SORBS2: variants seen among roughly 807,000 people sequenced by gnomAD.
The protein encoded by SORBS2 is sorbin and SH3 domain-containing protein 2.
SORBS2 carries 46 observed loss-of-function variants against 97.7 expected under a neutral mutation model. That is an observed-to-expected ratio of 0.47 (90% CI 0.37 to 0.60). The LOEUF (loss-of-function observed/expected upper bound fraction) is 0.60. Among genes scored for constraint, SORBS2 ranks in the 20% least tolerant of loss-of-function variants. SORBS2 has a pLI of 0.00. For synonymous variants in SORBS2, 476 were observed against 473.4 expected (o/e 1.01, Z -0.07); for missense variants, 1,316 against 1,282.3 (o/e 1.03, Z -0.40).
intron 4 of SORBS2, among the ~76,000 whole-genome samples, chr4:185,632,493 T>C (rs755271395): frequency 2.0e-5 from 3 of 152,160 alleles, no homozygotes; most frequent in Non-Finnish European, 2.9e-5. Flanking sequence ...ATACTAAATA[T>C]GAAAGAAAGC....
chr4:185,705,485 G>T (rs1203556371), intron 2 of SORBS2, among the ~76,000 whole-genome samples: 2 of 152,040 alleles, frequency 1.3e-5, no homozygotes, highest in African/African-American at 4.8e-5. Context: ...AGTGGAAGTT[G>T]CAGTGAGCCA....
At chr4:185,760,751 G>A (rs1057385998) in intron 2 of SORBS2, among the ~76,000 whole-genome samples, 27 of 152,200 alleles carry the variant, frequency 1.8e-4, no homozygotes. Flanking sequence ...ATAAAAGTGT[G>A]CAGTGCATTA....
At chr4:185,871,920 A>G (rs1215752443) in intron 1 of SORBS2, among the ~76,000 whole-genome samples, 1 of 152,228 alleles carries the variant, frequency 6.6e-6, no homozygotes, top group African/African-American at 2.4e-5. Context: ...CAGGACTGTC[A>G]TCCATCTCTA....
intron 2 of SORBS2, among the ~76,000 whole-genome samples, chr4:185,696,864 T>C (rs2098183014): frequency 6.6e-6 from 1 of 152,206 alleles, no homozygotes; most frequent in Non-Finnish European, 1.5e-5. Flanking sequence ...AACTTGATAG[T>C]ACAGTATTAG....
chr4:185,626,759 G>T, intron 6 of SORBS2, 73 bp downstream of exon 18: 1 of 1,423,414 alleles, frequency 7.0e-7, no homozygotes, highest in Non-Finnish European at 9.9e-7. Flanking sequence ...CTATCACTGG[G>T]CCAGCTTTCA....
chr4:185,865,881 C>T (rs2099226603), intron 1 of SORBS2, among the ~76,000 whole-genome samples: 1 of 151,994 alleles, frequency 6.6e-6, no homozygotes, highest in African/African-American at 2.4e-5. Context: ...ACACAAGGTG[C>T]TGAGATTTTT....
At chr4:185,656,804 A>C (rs148223758) in exon 1 of SORBS2, 33 of 1,404,842 alleles carry the variant, frequency 2.3e-5, no homozygotes, top group Non-Finnish European at 3.0e-5. Context: ...CAGAGTTTTA[A>C]AACTTAAAAA....
At chr4:185,677,148 A>G (rs1211054871) in intron 4 of SORBS2, 3 of 1,551,712 alleles carry the variant, frequency 1.9e-6, no homozygotes, top group Non-Finnish European at 2.6e-6. Flanking sequence ...CTGAATGGAA[A>G]GAGATGCTGT....
chr4:185,688,749 G>GTA (rs776272592), intron 2 of SORBS2, among the ~76,000 whole-genome samples: 3 of 151,846 alleles, frequency 2.0e-5, no homozygotes, highest in African/African-American at 4.8e-5. Flanking sequence ...ATATATGTGT[G>GTA]TATATATATA....
intron 2 of SORBS2, among the ~76,000 whole-genome samples, chr4:185,717,256 G>T (rs1276130373): frequency 6.6e-6 from 1 of 152,204 alleles, no homozygotes. Context: ...TGTTTCCTTT[G>T]ATTATAGGGC....
intron 1 of SORBS2, among the ~76,000 whole-genome samples, chr4:185,940,488 C>A (rs2099271420): frequency 6.6e-6 from 1 of 152,164 alleles, no homozygotes; most frequent in East Asian, 1.9e-4. Flanking sequence ...GTCCAAGCCC[C>A]CCTCATCTCT....
At chr4:185,702,857 C>T (rs898182108) in intron 2 of SORBS2, among the ~76,000 whole-genome samples, 4 of 152,028 alleles carry the variant, frequency 2.6e-5, no homozygotes, top group African/African-American at 9.7e-5. Context: ...TATATTCAAC[C>T]AACAAACATT....
At chr4:185,702,355 G>A (rs543823470) in intron 2 of SORBS2, among the ~76,000 whole-genome samples, 1 of 152,232 alleles carries the variant, frequency 6.6e-6, no homozygotes, top group African/African-American at 2.4e-5. Flanking sequence ...AGAGCAGGAA[G>A]GTGCCAGGCT....
At chr4:185,595,839 A>G (rs1473206200) in intron 12 of SORBS2, among the ~76,000 whole-genome samples, 2 of 151,974 alleles carry the variant, frequency 1.3e-5, no homozygotes, top group African/African-American at 4.8e-5. Context: ...CTTCTTTTGA[A>G]CTATTCTTTA....
chr4:185,851,774 T>C (rs186656722), intron 1 of SORBS2, among the ~76,000 whole-genome samples: 122 of 152,260 alleles, frequency 8.0e-4, no homozygotes, highest in African/African-American at 2.8e-3. Context: ...AGCCTTCATC[T>C]TTCTCCCATG....
chr4:185,741,157 CTCTG>C (rs2098722524), intron 2 of SORBS2, among the ~76,000 whole-genome samples: 1 of 152,044 alleles, frequency 6.6e-6, no homozygotes, highest in Non-Finnish European at 1.5e-5. Context: ...CTAAATATGA[CTCTG>C]TCTATGAACA....
chr4:185,605,485 T>A (rs946946882), intron 12 of SORBS2, among the ~76,000 whole-genome samples: 6 of 151,438 alleles, frequency 4.0e-5, no homozygotes, highest in African/African-American at 1.5e-4. Context: ...GGTTTTACCA[T>A]GTTGGACAGG....
intron 4 of SORBS2, among the ~76,000 whole-genome samples, chr4:185,670,156 T>C (rs1239842300): frequency 1.3e-5 from 2 of 150,670 alleles, no homozygotes; most frequent in Admixed American, 6.6e-5. Flanking sequence ...GAGGTGGAGG[T>C]TGCAGTGGGC....
chr4:185,717,721 T>C (rs545631240), intron 2 of SORBS2, among the ~76,000 whole-genome samples: 1 of 152,270 alleles, frequency 6.6e-6, no homozygotes, highest in Admixed American at 6.5e-5. Context: ...TGCCACACTA[T>C]CTCCTGTATA....
Sources: gnomAD v4.1 joint callset for allele counts (sites outside exome capture counted in the v4.1 genomes callset) on GRCh38, gnomAD v4.1.1 for gene constraint, MANE v1.5 for transcripts, NCBI Gene and HGNC (gene_info 2026-07-23, HGNC 2026-07-21) for gene names.